RMP64: variants seen among roughly 807,000 people sequenced by gnomAD.
RMP64 encodes ribonuclease MRP subunit p64, also known as nucleolus and neural progenitor protein.
the RMP64 span, chr3:113,005,942 C>T: frequency 3.1e-6 from 5 of 1,613,842 alleles, no homozygotes; most frequent in Admixed American, 1.7e-5. Context: ...AGTTTTGATA[C>T]CTGAGCCACG....
At chr3:113,014,014 G>T in the RMP64 span, 1 of 1,612,242 alleles carries the variant, frequency 6.2e-7, no homozygotes, top group Non-Finnish European at 8.5e-7. Flanking sequence ...TTTTTCAAAC[G>T]CTTTAAACAT....
At chr3:113,012,725 T>G in the RMP64 span, 1 of 1,489,162 alleles carries the variant, frequency 6.7e-7, no homozygotes, top group South Asian at 1.1e-5. Flanking sequence ...GTCAGAGGTA[T>G]GTACATACCA....
At chr3:113,007,197 G>A in the RMP64 span, among the ~76,000 whole-genome samples, 1 of 152,000 alleles carries the variant, frequency 6.6e-6, no homozygotes, top group East Asian at 1.9e-4. Flanking sequence ...ACCTTTAGAG[G>A]AGCCATCTCA....
the RMP64 span, among the ~76,000 whole-genome samples, chr3:113,017,843 T>A: frequency 1.3e-5 from 2 of 152,332 alleles, no homozygotes; most frequent in South Asian, 4.1e-4. Flanking sequence ...AAGCTGTATC[T>A]TTGCATTGCA....
At chr3:113,013,480 T>C in the RMP64 span, 2 of 1,238,968 alleles carry the variant, frequency 1.6e-6, no homozygotes, top group East Asian at 5.0e-5. Flanking sequence ...TTTTTTTACA[T>C]TTACCAGTTT....
At chr3:113,011,012 T>C in the RMP64 span, 7 of 1,536,606 alleles carry the variant, frequency 4.6e-6, no homozygotes, top group Non-Finnish European at 6.1e-6. Context: ...TTTTTTGTTT[T>C]ACTAGAGTAT....
chr3:113,008,465 C>T, the RMP64 span: 1 of 1,563,282 alleles, frequency 6.4e-7, no homozygotes, highest in East Asian at 2.3e-5. Context: ...ATATATTGGA[C>T]ATGTTACTGA....
the RMP64 span, chr3:113,010,955 T>C: frequency 8.4e-7 from 1 of 1,191,992 alleles, no homozygotes; most frequent in South Asian, 1.6e-5. Flanking sequence ...TGAATTTCTT[T>C]CTATGCAATG....
At chr3:113,002,889 G>A in the RMP64 span, 1 of 152,506 alleles carries the variant, frequency 6.6e-6, no homozygotes, top group African/African-American at 2.4e-5. Flanking sequence ...GAGAAGCCCA[G>A]GGGCAGGAAG....
the RMP64 span, chr3:113,004,409 TGA>T: frequency 6.6e-6 from 1 of 152,012 alleles, no homozygotes; most frequent in East Asian, 1.9e-4. Flanking sequence ...TAGAGATAAC[TGA>T]GAAAATGGAG....
chr3:113,011,851 G>A, the RMP64 span, among the ~76,000 whole-genome samples: 1 of 152,052 alleles, frequency 6.6e-6, no homozygotes, highest in East Asian at 1.9e-4. Context: ...AAAATAATAT[G>A]ATTAGTAATC....
the RMP64 span, chr3:113,009,650 A>G: frequency 6.6e-6 from 1 of 152,232 alleles, no homozygotes; most frequent in Non-Finnish European, 1.5e-5. Context: ...CAGCTCTACC[A>G]TTTATTCACT....
the RMP64 span, chr3:113,012,840 AAATC>A: frequency 1.5e-6 from 2 of 1,299,360 alleles, no homozygotes; most frequent in African/African-American, 1.5e-5. Flanking sequence ...GTAGAAAACA[AAATC>A]AAAGTAATGT....
chr3:113,012,632 T>A, the RMP64 span: 5 of 723,698 alleles, frequency 6.9e-6, no homozygotes, highest in Admixed American at 1.2e-4. Flanking sequence ...TACCTGCACC[T>A]TCCATAACCC....
chr3:113,008,450 G>A, the RMP64 span: 1 of 1,591,500 alleles, frequency 6.3e-7, no homozygotes, highest in Admixed American at 1.7e-5. Flanking sequence ...GGAAAGATGA[G>A]AAAAATATAT....
At chr3:113,011,171 C>T in the RMP64 span, 7 of 1,613,322 alleles carry the variant, frequency 4.3e-6, no homozygotes, top group South Asian at 6.6e-5. Context: ...GGTGACTGCT[C>T]ATTTATTAAA....
At chr3:113,016,683 G>A in the RMP64 span, among the ~76,000 whole-genome samples, 1 of 152,124 alleles carries the variant, frequency 6.6e-6, no homozygotes, top group Non-Finnish European at 1.5e-5. Flanking sequence ...AAACTAACCA[G>A]AAAGCATGCA....
the RMP64 span, among the ~76,000 whole-genome samples, chr3:113,007,126 C>T: frequency 1.3e-5 from 2 of 152,052 alleles, no homozygotes; most frequent in African/African-American, 4.8e-5. Flanking sequence ...AAACAGAATG[C>T]TTCTCTCCAT....
At chr3:113,007,453 A>G in the RMP64 span, among the ~76,000 whole-genome samples, 2 of 152,198 alleles carry the variant, frequency 1.3e-5, no homozygotes, top group Admixed American at 1.3e-4. Context: ...CATGCACAGG[A>G]TATTTGTTAA....
Sources: gnomAD v4.1 joint callset for allele counts (sites outside exome capture counted in the v4.1 genomes callset) on GRCh38, gnomAD v4.1.1 for gene constraint, MANE v1.5 for transcripts, NCBI Gene and HGNC (gene_info 2026-07-23, HGNC 2026-07-21) for gene names.